RNF145: variants seen among roughly 807,000 people sequenced by gnomAD.
The protein encoded by RNF145 is ring finger protein 145.
A neutral mutation model predicts 57.3 loss-of-function variants in RNF145; 12 were observed. The observed-to-expected ratio is 0.21, with a 90% confidence interval of 0.13 to 0.34. The LOEUF (loss-of-function observed/expected upper bound fraction) is 0.34. Ranked by LOEUF, RNF145 falls within the 10% of genes least tolerant of loss-of-function variation. The pLI, the probability that RNF145 is intolerant of heterozygous loss-of-function variation, is 1.00. For missense variants in RNF145, 429 were observed against 799.0 expected (o/e 0.54, Z 5.58); for synonymous variants, 262 against 288.3 (o/e 0.91, Z 0.92).
intron 2 of RNF145, among the ~76,000 whole-genome samples, chr5:159,201,927 A>G (rs1785683553): frequency 6.6e-6 from 1 of 152,172 alleles, no homozygotes; most frequent in South Asian, 2.1e-4. Context: ...TTTGTATTTG[A>G]GGGTGAAATT....
Position 159,174,150 on chromosome 5 carries a change from C to T in RNF145, c.630G>A (p.Glu210=). The change falls in exon 6 of 11, where the codon GAG becomes GAA. Residue 210 remains glutamate (E), a synonymous_variant. Coordinates refer to ENST00000424310, the MANE Select transcript of RNF145 (RefSeq NM_001199383.2). The part of the protein sequence containing the change: ...SAYRELVQVV[E]VYGLLALGMS... ...TTCCCAAGGCGAGAAGGCCATATACCTCCACTACCTAAATAAAAACGTAAG... is the reference window on the plus strand; with the variant it reads ...TTCCCAAGGCGAGAAGGCCATATACTTCCACTACCTAAATAAAAACGTAAG... 6.3e-7 allele frequency: 1 copy of T among 1,596,536 alleles called. No homozygotes were observed. Among genetic ancestry groups the T allele is most frequent in the Non-Finnish European group, 8.5e-7 (1 of 1,172,994 alleles).
At chr5:159,160,776 C>T (rs1784189156) in intron 10 of RNF145, among the ~76,000 whole-genome samples, 1 of 152,214 alleles carries the variant, frequency 6.6e-6, no homozygotes, top group South Asian at 2.1e-4. Context: ...TATTCACCCA[C>T]TCCCACCAAA....
chr5:159,164,327 A>G (rs1784325994), intron 8 of RNF145, among the ~76,000 whole-genome samples: 1 of 152,192 alleles, frequency 6.6e-6, no homozygotes, highest in Non-Finnish European at 1.5e-5. Flanking sequence ...AACTTTTTAA[A>G]GAAAGGCAGT....
intron 5 of RNF145, among the ~76,000 whole-genome samples, chr5:159,175,706 C>T (rs529331826): frequency 1.3e-5 from 2 of 152,040 alleles, no homozygotes; most frequent in South Asian, 2.1e-4. Context: ...CTGTGTAAGA[C>T]GAAGATAGAA....
At chr5:159,186,759 T>C (rs1785072295) in intron 3 of RNF145, among the ~76,000 whole-genome samples, 1 of 152,202 alleles carries the variant, frequency 6.6e-6, no homozygotes, top group African/African-American at 2.4e-5. Context: ...GTGCCTGTAT[T>C]TGATAATGTT....
intron 10 of RNF145, 145 bp downstream of exon 10, chr5:159,161,121 C>A: frequency 1.8e-6 from 1 of 561,514 alleles, no homozygotes; most frequent in Non-Finnish European, 3.2e-6. Context: ...TTTATCAGGT[C>A]TTTAATATAA....
At chr5:159,159,131 A>G (rs1784133760) in intron 10 of RNF145, 96 bp from the exon 11 acceptor site, 2 of 1,148,538 alleles carry the variant, frequency 1.7e-6, no homozygotes, top group Non-Finnish European at 1.2e-6. Flanking sequence ...TCTTTCCCAC[A>G]ATAGAAAATT....
intron 1 of RNF145, chr5:159,207,863 C>G (rs375817661): frequency 3.5e-5 from 56 of 1,614,042 alleles, no homozygotes; most frequent in Non-Finnish European, 4.7e-5. Flanking sequence ...ACTTAAGGAA[C>G]AGAGAGAGGA....
At position 159,169,675 on chromosome 5, in the gene RNF145, T is replaced by G. The variant is rs1210220609; in HGVS notation, c.938+4A>C. 11 of 1,590,756 alleles carry G rather than the reference T, an allele frequency of 6.9e-6. No individual in the cohort carries two copies. The highest frequency in any genetic ancestry group is 8.5e-6 in the Non-Finnish European group (10 of 1,172,774). The stretch of plus-strand genomic sequence containing the variant: ...TTCTAGATATAATCAAGGAAAGAAC[T>G]TACCGATTCATGGCAGGATCATTCA... On this transcript the variant is annotated splice_donor_region_variant and intron_variant, in intron 7 of 10. Transcript: ENST00000424310.
In RNF145 at chr5:159,174,680, C is replaced by T. The variant is rs114164842; in HGVS notation, c.622-522G>A. ...GCAAAGATAGTTAGCAAGTCTTTTT[C>T]TCCCATACACATCAATTCCCCTTCC... On this transcript the variant is annotated intron_variant, in intron 5 of 10. Coordinates refer to ENST00000424310, the MANE Select transcript of RNF145 (RefSeq NM_001199383.2). Among the ~76,000 whole-genome samples, 388 of 152,158 alleles carry T rather than the reference C, an allele frequency of 2.5e-3. 1 individual carries two copies. Among genetic ancestry groups the T allele is most frequent in the African/African-American group, 8.7e-3 (362 of 41,498 alleles).
chr5:159,198,469 T>C (rs776836734), intron 2 of RNF145, among the ~76,000 whole-genome samples: 4 of 152,136 alleles, frequency 2.6e-5, no homozygotes, highest in Non-Finnish European at 4.4e-5. Context: ...GCTTTGGGTA[T>C]GGAGCTGCCA....
intron 8 of RNF145, among the ~76,000 whole-genome samples, chr5:159,167,175 T>C (rs1366511003): frequency 6.6e-6 from 1 of 152,216 alleles, no homozygotes; most frequent in East Asian, 1.9e-4. Flanking sequence ...CATACTGGCA[T>C]GTAGCTGATG....
intron 8 of RNF145, among the ~76,000 whole-genome samples, chr5:159,167,661 AG>A (rs1373947108): frequency 6.6e-6 from 1 of 152,212 alleles, no homozygotes; most frequent in East Asian, 1.9e-4. Context: ...CTCACCCTTG[AG>A]TTCAACATTT....
Position 159,209,428 on chromosome 5 carries a change from G to A in RNF145, c.-237C>T, listed in dbSNP as rs1270535649. ...GGCGGAGGCAGCGGCAGCGGCAGCG[G>A]CCCGGCCCGTACGGTCACCATCGTC... On this transcript the variant is annotated 5_prime_UTR_variant, in exon 1 of 11. Coordinates refer to ENST00000424310, the MANE Select transcript of RNF145 (RefSeq NM_001199383.2). 21 of 982,410 alleles carry A rather than the reference G, an allele frequency of 2.1e-5. No homozygotes were observed. The Admixed American group carries it at 4.9e-4, about 23-fold the overall frequency. 60.9% of individuals were successfully genotyped at this position (982,410 alleles called of 1,614,324 possible). A position where few individuals can be genotyped will look rare whatever the true frequency, so the allele number is the denominator to read the frequency against.
At position 159,161,442 on chromosome 5, in the gene RNF145, C is replaced by A; in HGVS notation, c.1450G>T (p.Val484Leu). ...ATGAAGATGATCATTGAGCCCATCA[C>A]TGTCCATTCTCCAAAGATGGTCTCT... ...VSETIFGEWT[V>L]MGSMIIFIHS... is the part of the protein sequence containing the mutation. Residue 484 changes from valine to leucine, a missense_variant, in exon 10 of 11, where the codon GTG (valine) becomes TTG (leucine). Physicochemically the swap from Val to Leu is conservative, Grantham distance 32 (BLOSUM62 1). Transcript: ENST00000424310. 6.2e-7 allele frequency: 1 copy of A among 1,614,230 alleles called. No homozygotes were observed. The highest frequency in any genetic ancestry group is 8.5e-7 in the Non-Finnish European group (1 of 1,180,042).
intron 4 of RNF145, among the ~76,000 whole-genome samples, chr5:159,179,247 A>AG (rs1340274556): frequency 4.6e-5 from 7 of 152,072 alleles, no homozygotes; most frequent in Non-Finnish European, 7.4e-5. Flanking sequence ...CTGACGTAAA[A>AG]GAAGGAAGGA....
chr5:159,193,816 C>A (rs961375893), intron 3 of RNF145, among the ~76,000 whole-genome samples: 2 of 152,136 alleles, frequency 1.3e-5, no homozygotes, highest in Non-Finnish European at 2.9e-5. Flanking sequence ...GTTTCAGACT[C>A]TTATTATGGC....
At chr5:159,168,811 C>A in intron 8 of RNF145, 62 bp downstream of exon 8, 1 of 1,074,430 alleles carries the variant, frequency 9.3e-7, no homozygotes, top group Non-Finnish European at 1.3e-6. Flanking sequence ...AATATTTAGA[C>A]AACAAATGCA....
At chr5:159,195,331 GA>G (rs1039504043) in intron 2 of RNF145, among the ~76,000 whole-genome samples, 7 of 147,796 alleles carry the variant, frequency 4.7e-5, no homozygotes, top group African/African-American at 9.9e-5. Flanking sequence ...CCCATCTTGA[GA>G]AAAAAAAAAT....
Sources: allele counts gnomAD v4.1 joint callset (sites outside exome capture counted in the v4.1 genomes callset), GRCh38; gene constraint gnomAD v4.1.1; transcripts MANE v1.5; gene names NCBI Gene and HGNC (gene_info 2026-07-23, HGNC 2026-07-21).